SLC10A7: variants seen among roughly 807,000 people sequenced by gnomAD.
SLC10A7 encodes solute carrier family 10 member 7.
A neutral mutation model predicts 43.2 loss-of-function variants in SLC10A7; 29 were observed. That is an observed-to-expected ratio of 0.67 (90% CI 0.50 to 0.92). The LOEUF (loss-of-function observed/expected upper bound fraction) is 0.92, where lower values mean the gene tolerates loss of function less well. SLC10A7 is among the 40% of genes least tolerant of loss of function. SLC10A7 has a pLI of 0.00. For missense variants in SLC10A7, 295 were observed against 403.2 expected (o/e 0.73, Z 2.30); for synonymous variants, 152 against 144.8 (o/e 1.05, Z -0.35).
intron 5 of SLC10A7, among the ~76,000 whole-genome samples, chr4:146,398,334 G>A (rs1738981905): frequency 6.6e-6 from 1 of 152,180 alleles, no homozygotes; most frequent in Non-Finnish European, 1.5e-5. Flanking sequence ...AAATGAATGT[G>A]TGGCATCCAT....
intron 6 of SLC10A7, among the ~76,000 whole-genome samples, chr4:146,311,402 T>C (rs889968042): frequency 1.3e-5 from 2 of 152,268 alleles, no homozygotes; most frequent in Non-Finnish European, 2.9e-5. Context: ...GACCTGTAAA[T>C]TGTCATTAAT....
Position 146,461,926 on chromosome 4 carries a change from T to C in SLC10A7, c.397-19105A>G, listed in dbSNP as rs2149938511. Among the ~76,000 whole-genome samples, 3 of 151,464 alleles carry C rather than the reference T, an allele frequency of 2.0e-5. No individual in the cohort carries two copies. The East Asian group carries it at 5.8e-4, about 30-fold the overall frequency. ...AATAGGATATCAAATCATCATACAATTTTCTCAGGAAAATTACATCAGCCC... is the reference window on the plus strand; with the variant it reads ...AATAGGATATCAAATCATCATACAACTTTCTCAGGAAAATTACATCAGCCC... On this transcript the variant is annotated intron_variant, in intron 4 of 11. Transcript: ENST00000335472.
chr4:146,335,259 A>AAAAAAG (rs1733812834), intron 5 of SLC10A7, among the ~76,000 whole-genome samples: 1 of 44,858 alleles, frequency 2.2e-5, no homozygotes, highest in Non-Finnish European at 4.3e-5. Context: ...TGTAAAAAAA[A>AAAAAAG]AAAAAAAAAA....
In SLC10A7 at chr4:146,441,588, G is replaced by A. The variant is rs567747187; in HGVS notation, c.435+1195C>T. 220 of 730,360 alleles carry A rather than the reference G, an allele frequency of 3.0e-4. 1 individual carries two copies. Among genetic ancestry groups the A allele is most frequent in the Non-Finnish European group, 3.4e-4 (205 of 597,558 alleles). 45.2% of individuals were successfully genotyped at this position (730,360 alleles called of 1,614,324 possible). A position where few individuals can be genotyped will look rare whatever the true frequency, so the allele number is the denominator to read the frequency against. ...TATTCTATTAAACAATTGTGACAAC[G>A]TATAGAATAATACTTGGACTCATGA... On this transcript the variant is annotated intron_variant, in intron 5 of 11. Transcript: ENST00000335472.
At chr4:146,472,356 T>C (rs573385930) in intron 4 of SLC10A7, among the ~76,000 whole-genome samples, 1 of 152,116 alleles carries the variant, frequency 6.6e-6, no homozygotes, top group South Asian at 2.1e-4. Context: ...AACTTTCTAA[T>C]AAACTTTCTG....
intron 5 of SLC10A7, among the ~76,000 whole-genome samples, chr4:146,403,955 T>C (rs1739395047): frequency 6.6e-6 from 1 of 152,166 alleles, no homozygotes; most frequent in Non-Finnish European, 1.5e-5. Flanking sequence ...ATTCTAAATG[T>C]TTTCAATTTT....
intron 4 of SLC10A7, among the ~76,000 whole-genome samples, chr4:146,443,055 T>C (rs932422847): frequency 6.6e-6 from 1 of 152,212 alleles, no homozygotes; most frequent in African/African-American, 2.4e-5. Context: ...AGAAAACGCT[T>C]GTCATGCCTT....
intron 4 of SLC10A7, 109 bp downstream of exon 4, chr4:146,503,740 G>T: frequency 2.2e-6 from 2 of 924,234 alleles, no homozygotes; most frequent in Non-Finnish European, 3.5e-6. Context: ...AGCTGCTATG[G>T]CTAGGAGTTT....
At position 146,468,473 on chromosome 4, in the gene SLC10A7, A is replaced by ATTTTTTTTTTTTTTT. The variant is rs368637891; in HGVS notation, c.397-25653_397-25652insAAAAAAAAAAAAAAA. On this transcript the variant is annotated intron_variant, in intron 4 of 11. Transcript: ENST00000335472. ...TTTATTTATTCTAACTTATATTTTA[A>ATTTTTTTTTTTTTTT]TTTTTTTTTTTTTTGAGATGGAGTC... Among the ~76,000 whole-genome samples the ATTTTTTTTTTTTTTT allele has an allele frequency of 2.1e-5, 3 of 143,580 alleles. No individual in the cohort carries two copies. The East Asian group carries it at 6.3e-4, about 30-fold the overall frequency. 94.2% of individuals were successfully genotyped at this position (143,580 alleles called of 152,430 possible).
At chr4:146,458,124 C>A (rs1732236241) in intron 4 of SLC10A7, among the ~76,000 whole-genome samples, 1 of 151,528 alleles carries the variant, frequency 6.6e-6, no homozygotes, top group Non-Finnish European at 1.5e-5. Flanking sequence ...AAGGATGATA[C>A]AGTATGACAA....
At chr4:146,446,558 G>A (rs182105459) in intron 4 of SLC10A7, among the ~76,000 whole-genome samples, 219 of 144,036 alleles carry the variant, frequency 1.5e-3, no homozygotes, top group African/African-American at 4.9e-3. Flanking sequence ...CCCGGGTGAC[G>A]GAGCAAGACC....
At chr4:146,431,248 T>A (rs995342105) in intron 5 of SLC10A7, among the ~76,000 whole-genome samples, 1 of 152,122 alleles carries the variant, frequency 6.6e-6, no homozygotes, top group African/African-American at 2.4e-5. Flanking sequence ...TATATCAATA[T>A]GTAGATGTGA....
intron 4 of SLC10A7, among the ~76,000 whole-genome samples, chr4:146,476,031 A>C (rs936818984): frequency 5.3e-5 from 8 of 152,222 alleles, no homozygotes; most frequent in Non-Finnish European, 1.0e-4. Context: ...TCTTATTTCA[A>C]ATCAGAACGC....
At chr4:146,382,574 G>T (rs1737704750) in intron 5 of SLC10A7, among the ~76,000 whole-genome samples, 1 of 152,050 alleles carries the variant, frequency 6.6e-6, no homozygotes, top group Non-Finnish European at 1.5e-5. Context: ...AATATTTTAG[G>T]GGTTACCAAG....
At chr4:146,512,057 A>G (rs954392191) in intron 2 of SLC10A7, among the ~76,000 whole-genome samples, 3 of 126,556 alleles carry the variant, frequency 2.4e-5, no homozygotes. Context: ...CACTGCAACC[A>G]CTGCCTCCTG....
chr4:146,422,505 T>TA (rs781771054), intron 5 of SLC10A7, among the ~76,000 whole-genome samples: 1 of 152,256 alleles, frequency 6.6e-6, no homozygotes, highest in Non-Finnish European at 1.5e-5. Context: ...AACATTTACC[T>TA]AAAAAGAACA....
At chr4:146,454,203 C>T in intron 4 of SLC10A7, among the ~76,000 whole-genome samples, 1 of 151,942 alleles carries the variant, frequency 6.6e-6, no homozygotes, top group South Asian at 2.1e-4. Flanking sequence ...CTAATATTAG[C>T]AAGAAATATT....
intron 10 of SLC10A7, among the ~76,000 whole-genome samples, chr4:146,260,605 A>G (rs1728161694): frequency 6.6e-6 from 1 of 152,220 alleles, no homozygotes; most frequent in African/African-American, 2.4e-5. Flanking sequence ...TGCTGCTGCT[A>G]CAATAAGTAA....
intron 9 of SLC10A7, among the ~76,000 whole-genome samples, chr4:146,287,356 C>G (rs1666029327): frequency 6.6e-6 from 1 of 151,992 alleles, no homozygotes; most frequent in Non-Finnish European, 1.5e-5. Flanking sequence ...AACATAGGTC[C>G]CAAAGAGGCC....
Sources: allele counts gnomAD v4.1 joint callset (sites outside exome capture counted in the v4.1 genomes callset), GRCh38; gene constraint gnomAD v4.1.1; transcripts MANE v1.5; gene names NCBI Gene and HGNC (gene_info 2026-07-23, HGNC 2026-07-21).